The following C9orf153 variants were observed in gnomAD, a reference collection of about 807,000 sequenced individuals.
The protein encoded by C9orf153 is uncharacterized protein C9orf153.
C9orf153 carries 10 observed loss-of-function variants against 9.0 expected under a neutral mutation model. The observed-to-expected ratio is 1.11, with a 90% CI of 0.69 to 1.89. The LOEUF (loss-of-function observed/expected upper bound fraction) is 1.89, where lower values mean the gene tolerates loss of function less well. Ranked by LOEUF, C9orf153 falls within the 40% of genes most tolerant of loss-of-function variation. The probability of loss-of-function intolerance (pLI) is 0.00; values close to 1 mark genes in which losing one functional copy is unlikely to be tolerated. For synonymous variants in C9orf153, 35 were observed against 37.3 expected (o/e 0.94, Z 0.23); for missense variants, 108 against 111.0 (o/e 0.97, Z 0.12).
At chr9:86,259,175 G>C (rs896087032) in intron 1 of C9orf153, among the ~76,000 whole-genome samples, 3 of 152,058 alleles carry the variant, frequency 2.0e-5, no homozygotes, top group Admixed American at 6.6e-5. Flanking sequence ...AAAAACAAAG[G>C]ACACTGGGTG....
At position 86,237,170 on chromosome 9, in the gene C9orf153, A is replaced by G. The variant is rs1320432490; in HGVS notation, c.-26-7541T>C. 5.3e-5 allele frequency among the ~76,000 whole-genome samples: 8 copies of G among 151,944 alleles called. No homozygotes were observed. The East Asian group carries it at 1.3e-3, about 26-fold the overall frequency. ...AACTCTAGGGCAACCACTAAAAAGT[A>G]AAAAAAATATATAATTGATATGCTA... On this transcript the variant is annotated intron_variant, in intron 1 of 3. Coordinates refer to ENST00000339137, the MANE Select transcript of C9orf153 (RefSeq NM_001276366.4).
At chr9:86,249,477 T>C (rs1587809482) in intron 1 of C9orf153, among the ~76,000 whole-genome samples, 1 of 152,336 alleles carries the variant, frequency 6.6e-6, no homozygotes, top group East Asian at 1.9e-4. Context: ...CTAGCTCACA[T>C]TTGCTATTGT....
intron 1 of C9orf153, among the ~76,000 whole-genome samples, chr9:86,231,187 G>GATGGAGAA (rs1290564943): frequency 6.6e-6 from 1 of 152,144 alleles, no homozygotes; most frequent in African/African-American, 2.4e-5. Flanking sequence ...GCCAATCCCA[G>GATGGAGAA]ATGGAGAAGA....
Position 86,254,990 on chromosome 9 carries a change from A to G in C9orf153, c.-27+4560T>C, listed in dbSNP as rs533880570. On this transcript the variant is annotated intron_variant, in intron 1 of 3. Coordinates refer to ENST00000339137, the MANE Select transcript of C9orf153 (RefSeq NM_001276366.4). ...TTAGGTGGGAGAATGGCTTGAACCC[A>G]GGAGGTGGAGGTTGCAGTGAGCCAA... Among the ~76,000 whole-genome samples, 37 of 151,718 alleles carry G rather than the reference A, an allele frequency of 2.4e-4. No homozygotes were observed. The South Asian group carries it at 7.7e-3, about 32-fold the overall frequency.
Position 86,229,439 on chromosome 9 carries a change from T to C in C9orf153, c.66+99A>G, listed in dbSNP as rs1034817320. 4 of 802,526 alleles carry C rather than the reference T, an allele frequency of 5.0e-6. No individual in the cohort carries two copies. In the African/African-American group the frequency reaches 6.9e-5, roughly 14 times the overall value. The allele number at this position is 802,526 out of a possible 1,614,324, so 49.7% of individuals were successfully genotyped here. On this transcript the variant is annotated intron_variant, in intron 2 of 3. Coordinates refer to ENST00000339137, the MANE Select transcript of C9orf153 (RefSeq NM_001276366.4). The stretch of plus-strand genomic sequence containing the variant: ...GTGACATTTTGGAGTTTCCCATGGC[T>C]CCCAAGTGTGTCACTGTGCGTTCAA...
At chr9:86,227,754 ACCTGGAGAG>A in intron 3 of C9orf153, 92 bp downstream of exon 3, 1 of 1,479,606 alleles carries the variant, frequency 6.8e-7, no homozygotes, top group East Asian at 2.4e-5. Context: ...CTCTGCTGGG[ACCTGGAGAG>A]CCTCTCCATG....
intron 1 of C9orf153, among the ~76,000 whole-genome samples, chr9:86,235,741 C>CAAAAAAAAA (rs60165641): frequency 1.8e-4 from 4 of 22,056 alleles, no homozygotes; most frequent in South Asian, 3.8e-3. Context: ...GACTCCATCT[C>CAAAAAAAAA]AAAAAAAAAA....
chr9:86,230,893 AC>A (rs1471408104), intron 1 of C9orf153, among the ~76,000 whole-genome samples: 1 of 152,166 alleles, frequency 6.6e-6, no homozygotes, highest in Admixed American at 6.6e-5. Context: ...GTTCTCTCCC[AC>A]ATTTTACTGG....
At chr9:86,254,626 G>A (rs937991508) in intron 1 of C9orf153, among the ~76,000 whole-genome samples, 8 of 152,120 alleles carry the variant, frequency 5.3e-5, no homozygotes, top group African/African-American at 1.9e-4. Flanking sequence ...ACATTACTCT[G>A]TTTTTCTTCT....
chr9:86,233,661 C>T (rs1824517517), intron 1 of C9orf153, among the ~76,000 whole-genome samples: 1 of 151,372 alleles, frequency 6.6e-6, no homozygotes, highest in African/African-American at 2.5e-5. Context: ...AGGTGATCCA[C>T]CTGCCCTGGC....
intron 3 of C9orf153, among the ~76,000 whole-genome samples, chr9:86,221,987 A>ATGATTCTCCTGCCTCAGCCTCC (rs1383738687): frequency 6.6e-6 from 1 of 152,016 alleles, no homozygotes; most frequent in East Asian, 1.9e-4. Context: ...CCGGGTTCAA[A>ATGATTCTCCTGCCTCAGCCTCC]TGATTCTCCT....
chr9:86,223,296 G>C (rs992887456), intron 3 of C9orf153, among the ~76,000 whole-genome samples: 1 of 151,966 alleles, frequency 6.6e-6, no homozygotes, highest in Non-Finnish European at 1.5e-5. Context: ...GGAGAAACCT[G>C]GTCCTACCAA....
intron 1 of C9orf153, among the ~76,000 whole-genome samples, chr9:86,245,837 T>C (rs1216253549): frequency 6.6e-6 from 1 of 152,220 alleles, no homozygotes. Context: ...ATCACAATTC[T>C]CAAAGTAAAA....
At chr9:86,243,962 T>C (rs1258374091) in intron 1 of C9orf153, among the ~76,000 whole-genome samples, 1 of 152,182 alleles carries the variant, frequency 6.6e-6, no homozygotes. Flanking sequence ...ACCTTATATA[T>C]ACACACATTA....
intron 1 of C9orf153, among the ~76,000 whole-genome samples, chr9:86,254,081 A>C (rs1469611606): frequency 9.0e-6 from 1 of 111,368 alleles, no homozygotes; most frequent in Non-Finnish European, 1.8e-5. Context: ...ACAGAGCGAG[A>C]CTCCATTTCA....
chr9:86,249,289 C>A (rs945953016), intron 1 of C9orf153, among the ~76,000 whole-genome samples: 1 of 152,168 alleles, frequency 6.6e-6, no homozygotes, highest in African/African-American at 2.4e-5. Flanking sequence ...CTGTTCCTTT[C>A]TTTTTAGAGC....
chr9:86,233,416 C>A (rs1824512202), intron 1 of C9orf153, among the ~76,000 whole-genome samples: 2 of 152,054 alleles, frequency 1.3e-5, no homozygotes, highest in African/African-American at 4.8e-5. Flanking sequence ...ACAGTCCTCA[C>A]TTTTCTTTTT....
At chr9:86,258,637 C>T (rs1341879309) in intron 1 of C9orf153, 1 of 152,116 alleles carries the variant, frequency 6.6e-6, no homozygotes, top group African/African-American at 2.4e-5. Flanking sequence ...GCCAGATCAC[C>T]CTCACATCCG....
intron 1 of C9orf153, among the ~76,000 whole-genome samples, chr9:86,237,922 C>T (rs778233967): frequency 3.3e-5 from 5 of 151,718 alleles, no homozygotes; most frequent in Admixed American, 6.6e-5. Flanking sequence ...CTACTAAAAA[C>T]GTAAAAAAAT....
Sources: allele counts gnomAD v4.1 joint callset (sites outside exome capture counted in the v4.1 genomes callset), GRCh38; gene constraint gnomAD v4.1.1; transcripts MANE v1.5; gene names NCBI Gene and HGNC (gene_info 2026-07-23, HGNC 2026-07-21).